The following ATRIP variants were observed in gnomAD, a reference collection of about 807,000 sequenced individuals.
The protein encoded by ATRIP is ATR-interacting protein.
Under a neutral mutation model 78.1 loss-of-function variants are expected in ATRIP, and 44 were observed. The ratio of observed to expected loss-of-function variants is 0.56; its 90% CI spans 0.44 to 0.72. ATRIP has a LOEUF of 0.72. Among genes scored for constraint, ATRIP ranks in the 30% least tolerant of loss-of-function variants. ATRIP has a pLI of 0.00. For synonymous variants in ATRIP, 388 were observed against 408.9 expected, an observed-to-expected ratio of 0.95 and a Z score of 0.62; for missense variants, 927 against 980.2, an observed-to-expected ratio of 0.95 and a Z score of 0.72.
Position 48,465,102 on chromosome 3 carries a change from A to G in ATRIP, c.2308+19A>G. 6.3e-7 allele frequency: 1 copy of G among 1,596,396 alleles called. No homozygotes were observed. The highest frequency in any genetic ancestry group is 1.3e-5 in the African/African-American group (1 of 74,790). On this transcript the variant is annotated intron_variant, in intron 12 of 12. Transcript: ENST00000320211. ...TGTGAAGGTAAGCCTGCCAGAGGCC[A>G]TCCTGCCCAGCCCCCATGGCTTCTT...
Position 48,464,819 on chromosome 3 carries a change from C to A in ATRIP, c.2056-12C>A, listed in dbSNP as rs3135936. On this transcript the variant is annotated splice_polypyrimidine_tract_variant and intron_variant, in intron 11 of 12. Transcript: ENST00000320211. ...TGGCACCAGGCCTCAGTCTGCACCCCCCCTCTCTCAGGTGGTCAGAGCGCT... is the reference window on the plus strand; with the variant it reads ...TGGCACCAGGCCTCAGTCTGCACCCACCCTCTCTCAGGTGGTCAGAGCGCT... The A allele has an allele frequency of 7.4e-3, 11,931 of 1,604,518 alleles. 549 individuals are homozygous for A. In the African/African-American group the frequency reaches 0.12, roughly 16 times the overall value.
rs531660451 is a variant in ATRIP at position 48,467,168 on chromosome 3, C to T, written c.*1614C>T. On this transcript the variant is annotated 3_prime_UTR_variant, in exon 13 of 13. Transcript: ENST00000320211. ...AGCGAGCAAGCAGCCCCTCAGAACA[C>T]GGCCCAAGGAAGAGCTATAGCCTAG... 52 of 1,613,980 alleles carry T rather than the reference C, an allele frequency of 3.2e-5. No homozygotes were observed. Among genetic ancestry groups the T allele is most frequent in the African/African-American group, 5.3e-5 (4 of 75,052 alleles).
At chr3:48,457,516 TCTGACAAGGCAC>T in intron 5 of ATRIP, 100 bp downstream of exon 5, 2 of 1,006,652 alleles carry the variant, frequency 2.0e-6, no homozygotes, top group Non-Finnish European at 2.7e-6. Context: ...GATCAGCAAT[TCTGACAAGGCAC>T]AGAGGGGACA....
At chr3:48,456,162 A>C (rs993002576) in intron 4 of ATRIP, among the ~76,000 whole-genome samples, 3 of 152,002 alleles carry the variant, frequency 2.0e-5, no homozygotes, top group Non-Finnish European at 2.9e-5. Flanking sequence ...GATGTTTTGC[A>C]CCAGGCATGG....
Position 48,460,658 on chromosome 3 carries a change from A to T in ATRIP, c.1604A>T (p.Gln535Leu), listed in dbSNP as rs1303508150. The change falls in exon 8 of 13, where the codon CAG (glutamine) becomes CTG (leucine). Residue 535 changes from glutamine to leucine, a missense_variant. Physicochemically the swap from Gln to Leu is moderately radical, Grantham distance 113 (BLOSUM62 -2). Coordinates refer to ENST00000320211, the MANE Select transcript of ATRIP (RefSeq NM_130384.3). ...AGGGGGGTTGCTGATGACCAAGGAC[A>T]GCACCCACTGTTGAAGATGCTTCTT... ...ALRGVADDQG[Q>L]HPLLKMLLHL... is the part of the protein sequence containing the mutation. 1 of 1,614,200 alleles carries T rather than the reference A, an allele frequency of 6.2e-7. No individual in the cohort carries two copies. Among genetic ancestry groups the T allele is most frequent in the Non-Finnish European group, 8.5e-7 (1 of 1,180,002 alleles).
chr3:48,459,870 T>A lies in ATRIP; in HGVS notation c.1009T>A (p.Ser337Thr), dbSNP rs2040052194. Residue 337 changes from serine to threonine, a missense_variant, in exon 7 of 13, where the codon TCT (serine) becomes ACT (threonine). By Grantham distance (58) the Ser-to-Thr change is moderately conservative. Transcript: ENST00000320211. ...LSLCHLLSSS[S>T]ESPAGTPLQP... Reference sequence around the variant, plus strand: ...CCTTTGCCACCTCCTGAGTAGTAGTTCTGAGTCTCCTGCTGGCACCCCCCT... The same window carrying A: ...CCTTTGCCACCTCCTGAGTAGTAGTACTGAGTCTCCTGCTGGCACCCCCCT... The A allele has an allele frequency of 1.9e-6, 3 of 1,613,920 alleles. No individual in the cohort carries two copies. Among genetic ancestry groups the A allele is most frequent in the Non-Finnish European group, 2.5e-6 (3 of 1,179,952 alleles).
chr3:48,447,122 A>C (rs1340639523), intron 1 of ATRIP, 30 bp downstream of exon 1: 1 of 1,466,050 alleles, frequency 6.8e-7, no homozygotes, highest in East Asian at 2.8e-5. Context: ...TTTTGCTCGG[A>C]GGGAGTTGTC....
At position 48,446,862 on chromosome 3, in the gene ATRIP, C is replaced by CAA; in HGVS notation, c.17_18insAA (p.Pro7SerfsTer66). 8.6e-6 allele frequency: 12 copies of CAA among 1,401,938 alleles called. No homozygotes were observed. The highest frequency in any genetic ancestry group is 1.1e-5 in the Non-Finnish European group (12 of 1,080,286). The allele number at this position is 1,401,938 out of a possible 1,614,324, so 86.8% of individuals were successfully genotyped here. A position where few individuals can be genotyped will look rare whatever the true frequency, so the allele number is the denominator to read the frequency against. ...GCGGAAAGCATGGCGGGGACCTCCG[C>CAA]GCCAGGCAGCAAGAGGCGGAGCGAG... On this transcript the variant is annotated frameshift_variant, in exon 1 of 13. Transcript: ENST00000320211. LOFTEE classifies it high-confidence loss of function.
intron 8 of ATRIP, among the ~76,000 whole-genome samples, chr3:48,461,194 G>C (rs1028921803): frequency 2.1e-4 from 32 of 152,222 alleles, no homozygotes; most frequent in Non-Finnish European, 1.5e-5. Flanking sequence ...ATGTGGAGAG[G>C]GTCTGCAGCC....
rs377157141 is a variant in ATRIP, at chr3:48,466,049, C to T, written c.*495C>T. Reference sequence around the variant, plus strand: ...CTGCCTGTCACTGGTATGATGGCCCCGGTGCATTGTGCCACCAGCAGGCCA... The same window carrying T: ...CTGCCTGTCACTGGTATGATGGCCCTGGTGCATTGTGCCACCAGCAGGCCA... On this transcript the variant is annotated 3_prime_UTR_variant, in exon 13 of 13. Coordinates refer to ENST00000320211, the MANE Select transcript of ATRIP (RefSeq NM_130384.3). 18 of 330,842 alleles carry T rather than the reference C, an allele frequency of 5.4e-5. No homozygotes were observed. The highest frequency in any genetic ancestry group is 2.3e-4 in the East Asian group (3 of 12,964). The allele number at this position is 330,842 out of a possible 1,614,324, so 20.5% of individuals were successfully genotyped here. A position where few individuals can be genotyped will look rare whatever the true frequency, so the allele number is the denominator to read the frequency against.
intron 2 of ATRIP, 143 bp from the exon 3 acceptor site, chr3:48,451,586 A>C: frequency 3.1e-6 from 2 of 655,556 alleles, no homozygotes; most frequent in Non-Finnish European, 5.2e-6. Context: ...CCATGGTGAC[A>C]TCTGGTTGCT....
chr3:48,446,949 G>C lies in ATRIP; in HGVS notation c.104G>C (p.Arg35Pro). ...GTGHPPSKRARGFSAAAAPDP... is the reference protein window; with the variant it reads ...GTGHPPSKRAPGFSAAAAPDP... ...GGGCACCCCCCGAGCAAGCGGGCCC[G>C]GGGCTTCTCCGCAGCCGCTGCCCCG... Residue 35 changes from arginine (R) to proline (P), a missense_variant, in exon 1 of 13, where the codon CGG becomes CCG. Coordinates refer to ENST00000320211, the MANE Select transcript of ATRIP (RefSeq NM_130384.3). 2 of 1,526,630 alleles carry C rather than the reference G, an allele frequency of 1.3e-6. No individual in the cohort carries two copies. The highest frequency in any genetic ancestry group is 1.8e-6 in the Non-Finnish European group (2 of 1,139,480). 94.6% of individuals were successfully genotyped at this position (1,526,630 alleles called of 1,614,324 possible).
intron 3 of ATRIP, 29 bp from the exon 4 acceptor site, chr3:48,454,271 A>G (rs2039901716): frequency 1.5e-6 from 2 of 1,348,746 alleles, no homozygotes; most frequent in Non-Finnish European, 2.1e-6. Flanking sequence ...TGATGGGACC[A>G]CTACAAGCAT....
intron 2 of ATRIP, 126 bp downstream of exon 2, chr3:48,450,296 G>C: frequency 5.5e-6 from 7 of 1,275,668 alleles, no homozygotes; most frequent in Non-Finnish European, 7.5e-6. Flanking sequence ...CATGGGAAAA[G>C]ACTAGGGAAA....
intron 11 of ATRIP, 38 bp downstream of exon 11, chr3:48,464,700 G>C (rs780210752): frequency 1.9e-6 from 3 of 1,613,744 alleles, no homozygotes; most frequent in East Asian, 4.5e-5. Context: ...AGCTCTGGTG[G>C]TAAGGGGGCC....
In ATRIP at chr3:48,466,873, CG is replaced by C; in HGVS notation, c.*1323del. 2 of 1,613,400 alleles carry C rather than the reference CG, an allele frequency of 1.2e-6. No homozygotes were observed. The highest frequency in any genetic ancestry group is 1.7e-6 in the Non-Finnish European group (2 of 1,180,022). ...GACAAGCTCTCCCTGTGTGTGGCTCCGGGGAAGGCCTGCAGCCCTGCAGCCA... is the reference window on the plus strand; with the variant it reads ...GACAAGCTCTCCCTGTGTGTGGCTCCGGGAAGGCCTGCAGCCCTGCAGCCA... On this transcript the variant is annotated 3_prime_UTR_variant, in exon 13 of 13. Transcript: ENST00000320211.
At chr3:48,449,286 C>T (rs563046449) in intron 1 of ATRIP, among the ~76,000 whole-genome samples, 54 of 151,850 alleles carry the variant, frequency 3.6e-4, no homozygotes, top group Admixed American at 2.1e-3. Context: ...TGGTAGCACA[C>T]GCCTGTAATT....
chr3:48,457,247 A>G lies in ATRIP; in HGVS notation c.672-12A>G, dbSNP rs1328699149. On this transcript the variant is annotated splice_polypyrimidine_tract_variant and intron_variant, in intron 4 of 12. Transcript: ENST00000320211. ...GAATCATTACTTTGCTTTCATAGTTAACTTTTTCCAGTCCTAGGAAAAACC... is the reference window on the plus strand; with the variant it reads ...GAATCATTACTTTGCTTTCATAGTTGACTTTTTCCAGTCCTAGGAAAAACC... 1 of 1,534,614 alleles carries G rather than the reference A, an allele frequency of 6.5e-7. No homozygotes were observed. Among genetic ancestry groups the G allele is most frequent in the African/African-American group, 1.4e-5 (1 of 71,342 alleles).
At chr3:48,464,795 G>A (rs747950933) in intron 11 of ATRIP, 36 bp from the exon 12 acceptor site, 2 of 1,601,794 alleles carry the variant, frequency 1.2e-6, no homozygotes, top group Non-Finnish European at 1.7e-6. Context: ...AGGCCATGGT[G>A]GCACCAGGCC....
Sources: gnomAD v4.1 joint callset for allele counts (sites outside exome capture counted in the v4.1 genomes callset) on GRCh38, gnomAD v4.1.1 for gene constraint, MANE v1.5 for transcripts, NCBI Gene and HGNC (gene_info 2026-07-23, HGNC 2026-07-21) for gene names.